NELL1: variants seen among roughly 807,000 people sequenced by gnomAD.
The protein encoded by NELL1 is neural EGFL like 1.
Under a neutral mutation model 107.4 loss-of-function variants are expected in NELL1, and 76 were observed. The observed-to-expected ratio is 0.71, with a 90% confidence interval of 0.59 to 0.86. NELL1 has a LOEUF of 0.86. NELL1 is among the 40% of genes least tolerant of loss of function. The pLI is 0.00. For synonymous variants in NELL1, 353 were observed against 341.2 expected, an observed-to-expected ratio of 1.03 and a Z score of -0.38; for missense variants, 1,024 against 1,005.5, an observed-to-expected ratio of 1.02 and a Z score of -0.25.
At chr11:21,046,160 G>GA (rs1344065697) in intron 12 of NELL1, among the ~76,000 whole-genome samples, 19 of 152,212 alleles carry the variant, frequency 1.2e-4, no homozygotes, top group Admixed American at 8.5e-4. Context: ...TTTTTAAAGA[G>GA]AAAAAATGTT....
At chr11:20,690,113 G>A (rs1469106726) in intron 2 of NELL1, among the ~76,000 whole-genome samples, 20 of 152,248 alleles carry the variant, frequency 1.3e-4, no homozygotes, top group South Asian at 1.0e-3. Flanking sequence ...CATATCCTTT[G>A]CCCACTTTTT....
chr11:21,213,783 A>C (rs1054132650), intron 13 of NELL1, among the ~76,000 whole-genome samples: 3 of 152,192 alleles, frequency 2.0e-5, no homozygotes, highest in Non-Finnish European at 2.9e-5. Context: ...CTGGGTGTGC[A>C]TAGGCAAAAA....
intron 12 of NELL1, among the ~76,000 whole-genome samples, chr11:21,029,224 A>G (rs997882781): frequency 2.0e-5 from 3 of 152,220 alleles, no homozygotes; most frequent in Non-Finnish European, 4.4e-5. Context: ...ACTCAAATAC[A>G]GAAGTATGGA....
chr11:21,071,084 AGT>A (rs1398018373), intron 12 of NELL1, among the ~76,000 whole-genome samples: 19 of 152,142 alleles, frequency 1.2e-4, no homozygotes, highest in African/African-American at 4.6e-4. Flanking sequence ...TGAGGTTAAG[AGT>A]GTAGTTTTGC....
At chr11:21,030,799 C>T (rs1381230930) in intron 12 of NELL1, among the ~76,000 whole-genome samples, 1 of 151,968 alleles carries the variant, frequency 6.6e-6, no homozygotes, top group Non-Finnish European at 1.5e-5. Flanking sequence ...ATAATTTGAA[C>T]CCCTCCATCG....
intron 12 of NELL1, among the ~76,000 whole-genome samples, chr11:21,056,006 A>C (rs372998260): frequency 6.6e-6 from 1 of 152,194 alleles, no homozygotes. Flanking sequence ...ACTGAGCACT[A>C]TCAGTGGTCT....
At chr11:20,782,051 A>T (rs571244138) in intron 2 of NELL1, among the ~76,000 whole-genome samples, 358 of 151,666 alleles carry the variant, frequency 2.4e-3, no homozygotes, top group South Asian at 0.019. Context: ...AAAAAAAAAA[A>T]AATAATAATG....
chr11:20,669,893 G>T lies in NELL1; in HGVS notation c.55+115G>T, dbSNP rs1853853133. ...CGCTGGTCTGGGGAACGGCGGTAGC[G>T]TGGACCGGTTCCTGGGATCTCTTTG... On this transcript the variant is annotated intron_variant, in intron 1 of 19. Coordinates refer to ENST00000357134, the MANE Select transcript of NELL1 (RefSeq NM_006157.5). This position sits in a 1 kb window ranked among gnomAD's most constrained non-coding sequence, Gnocchi z 4.4. 2 of 843,080 alleles carry T rather than the reference G, an allele frequency of 2.4e-6. No individual in the cohort carries two copies. The highest frequency in any genetic ancestry group is 1.9e-5 in the Admixed American group (1 of 51,970). The allele number at this position is 843,080 out of a possible 1,614,324, so 52.2% of individuals were successfully genotyped here.
rs929213371 is a variant in NELL1, at chr11:20,847,595, G to A, written c.348G>A (p.Leu116=). The change falls in exon 4 of 20, where the codon CTG becomes CTA. Residue 116 remains leucine, a synonymous_variant. Coordinates refer to ENST00000357134, the MANE Select transcript of NELL1 (RefSeq NM_006157.5). ...CCTTTACATACAGCTATTTTGAACT[G>A]GAGAGCAGTGGCCTGAGGGATGAGA... The part of the protein sequence containing the change: ...IRELEHSYFE[L]ESSGLRDEIR... The A allele has an allele frequency of 4.3e-6, 7 of 1,612,884 alleles. No homozygotes were observed. The African/African-American group carries it at 9.4e-5, about 22-fold the overall frequency.
intron 14 of NELL1, among the ~76,000 whole-genome samples, chr11:21,233,770 CT>C (rs1164924029): frequency 6.6e-6 from 1 of 152,328 alleles, no homozygotes; most frequent in East Asian, 1.9e-4. Context: ...AGAAAGTGAG[CT>C]TTCACTAGGC....
At chr11:20,702,809 G>C (rs536100048) in intron 2 of NELL1, among the ~76,000 whole-genome samples, 1 of 152,084 alleles carries the variant, frequency 6.6e-6, no homozygotes, top group African/African-American at 2.4e-5. Context: ...GATGGATTAC[G>C]TTTATTGATT....
At chr11:21,384,339 C>T (rs1465580954) in intron 15 of NELL1, among the ~76,000 whole-genome samples, 1 of 151,986 alleles carries the variant, frequency 6.6e-6, no homozygotes. Context: ...TCTGGGCCCA[C>T]CTGCCTATTA....
chr11:21,456,095 G>T (rs1421523505), intron 15 of NELL1, among the ~76,000 whole-genome samples: 1 of 151,980 alleles, frequency 6.6e-6, no homozygotes, highest in Non-Finnish European at 1.5e-5. Flanking sequence ...GTTTTGCCAT[G>T]TTGGCTAGTC....
intron 11 of NELL1, among the ~76,000 whole-genome samples, chr11:20,957,883 G>A (rs568907905): frequency 1.3e-5 from 2 of 152,048 alleles, no homozygotes; most frequent in South Asian, 2.1e-4. Flanking sequence ...AGATATGAAA[G>A]CAAGTCTAAA....
At chr11:21,023,284 T>C (rs1371669917) in intron 12 of NELL1, among the ~76,000 whole-genome samples, 2 of 152,058 alleles carry the variant, frequency 1.3e-5, no homozygotes, top group Non-Finnish European at 2.9e-5. Flanking sequence ...TTTCTCATTG[T>C]AAAATGAAGA....
At chr11:21,307,404 A>G (rs1429958688) in intron 14 of NELL1, among the ~76,000 whole-genome samples, 1 of 151,866 alleles carries the variant, frequency 6.6e-6, no homozygotes, top group Non-Finnish European at 1.5e-5. Context: ...ACAGAAAAAA[A>G]AGAAAAAAAG....
chr11:21,448,203 T>C (rs560720024), intron 15 of NELL1, among the ~76,000 whole-genome samples: 3 of 152,306 alleles, frequency 2.0e-5, no homozygotes, highest in Admixed American at 2.0e-4. Context: ...GCAGGTGTTT[T>C]TTTGTGTGTG....
intron 14 of NELL1, among the ~76,000 whole-genome samples, chr11:21,242,692 C>T (rs1858394987): frequency 6.7e-6 from 1 of 149,138 alleles, no homozygotes; most frequent in South Asian, 2.1e-4. Flanking sequence ...TTAAATAACT[C>T]TCTGTTTGAG....
At chr11:20,956,223 C>T (rs1030805951) in intron 11 of NELL1, among the ~76,000 whole-genome samples, 2 of 150,386 alleles carry the variant, frequency 1.3e-5, no homozygotes, top group Middle Eastern at 3.5e-3. Flanking sequence ...CGTCTCAAAA[C>T]AAAACAAAAC....
Sources: gnomAD v4.1 joint callset for allele counts (sites outside exome capture counted in the v4.1 genomes callset) on GRCh38, gnomAD v4.1.1 for gene constraint, Gnocchi (gnomAD v3.1) non-coding constraint, MANE v1.5 for transcripts, NCBI Gene and HGNC (gene_info 2026-07-23, HGNC 2026-07-21) for gene names.